The following PKM variants were observed in gnomAD, a reference collection of about 807,000 sequenced individuals.
The protein encoded by PKM is pyruvate kinase PKM.
In PKM, 18 loss-of-function variants were observed where a neutral mutation model predicts 49.8. That is an observed-to-expected ratio of 0.36 (90% CI 0.25 to 0.54). The LOEUF (loss-of-function observed/expected upper bound fraction) is 0.54, where lower values mean the gene tolerates loss of function less well. Ranked by LOEUF, PKM falls within the 20% of genes least tolerant of loss-of-function variation. The probability of loss-of-function intolerance (pLI) is 0.89; values close to 1 mark genes in which losing one functional copy is unlikely to be tolerated. For missense variants in PKM, 508 were observed against 713.8 expected (o/e 0.71, Z 3.28); for synonymous variants, 239 against 261.8 (o/e 0.91, Z 0.84).
In PKM at chr15:72,207,212, A is replaced by G; in HGVS notation, c.902T>C (p.Ile301Thr). 1 of 1,614,072 alleles carries G rather than the reference A, an allele frequency of 6.2e-7. No individual in the cohort carries two copies. Among genetic ancestry groups the G allele is most frequent in the South Asian group, 1.1e-5 (1 of 91,078 alleles). ...MVARGDLGIE[I>T]PAEKVFLAQK... The stretch of plus-strand genomic sequence containing the variant: ...AGCAAGGAAGACCTTCTCTGCAGGA[A>G]TCTCAATGCCTAGATCACCACGAGC... The change falls in exon 7 of 11, where the codon ATT (isoleucine) becomes ACT (threonine). Residue 301 changes from isoleucine to threonine, a missense_variant. Transcript: ENST00000335181.
At chr15:72,229,449 G>A (rs970369982) in intron 1 of PKM, 3 of 640,630 alleles carry the variant, frequency 4.7e-6, no homozygotes, top group East Asian at 6.9e-5. Context: ...CTCTCTCCAC[G>A]TGGACCTTCA....
rs748578042 is a variant in PKM at position 72,207,143 on chromosome 15, A to G, written c.971T>C (p.Val324Ala). 5.0e-6 allele frequency: 8 copies of G among 1,613,752 alleles called. No individual in the cohort carries two copies. The highest frequency in any genetic ancestry group is 2.7e-5 in the African/African-American group (2 of 74,928). Residue 324 changes from valine (V) to alanine (A), a missense_variant, in exon 7 of 11, where the codon GTC becomes GCC. Physicochemically the swap from Val to Ala is moderately conservative, Grantham distance 64. Transcript: ENST00000335181. ...IGRCNRAGKP[V>A]ICATQMLESM... is the part of the protein sequence containing the mutation. ...GGCACATGCCTGAGTAGCACAGATG[A>G]CAGGCTTCCCAGCTCGGTTGCACCG...
chr15:72,209,620 G>C (rs1171591670), intron 5 of PKM, 53 bp downstream of exon 5: 2 of 1,520,638 alleles, frequency 1.3e-6, no homozygotes, highest in East Asian at 2.2e-5. Context: ...TGTCAAGGAA[G>C]TTTAGAGACA....
chr15:72,217,437 C>T lies in PKM; in HGVS notation c.218G>A (p.Arg73His). The change falls in exon 3 of 11, where the codon CGT becomes CAT. Residue 73 changes from arginine to histidine, a missense_variant. Arg to His is a conservative substitution (Grantham distance 29). Transcript: ENST00000335181. ...ATGAGTTCCATGAGAGAAGTTCAGA[C>T]GAGCCACATTCATTCCAGACTTAAT... ...EMIKSGMNVA[R>H]LNFSHGTHEY... 2 of 1,611,860 alleles carry T rather than the reference C, an allele frequency of 1.2e-6. No individual in the cohort carries two copies. Among genetic ancestry groups the T allele is most frequent in the Non-Finnish European group, 1.7e-6 (2 of 1,178,064 alleles).
rs992450330 is a variant in PKM at position 72,209,856 on chromosome 15, C to T, written c.382G>A (p.Gly128Ser). The T allele has an allele frequency of 4.3e-6, 7 of 1,613,762 alleles. No individual in the cohort carries two copies. Among genetic ancestry groups the T allele is most frequent in the African/African-American group, 2.7e-5 (2 of 74,882 alleles). The change falls in exon 5 of 11, where the codon GGC (glycine) becomes AGC (serine). Residue 128 changes from glycine (G) to serine (S), a missense_variant. By Grantham distance (56) the Gly-to-Ser change is moderately conservative (BLOSUM62 0). Coordinates refer to ENST00000335181, the MANE Select transcript of PKM (RefSeq NM_002654.6). ...EIRTGLIKGS[G>S]TAEVELKKGA... is the part of the protein sequence containing the mutation. ...TTCTTCAGCTCCACCTCTGCAGTGC[C>T]GCTCTAGGGACAAGAGAGTAAGCAA...
At chr15:72,213,344 A>G (rs928951008) in intron 3 of PKM, among the ~76,000 whole-genome samples, 23 of 152,168 alleles carry the variant, frequency 1.5e-4, no homozygotes, top group African/African-American at 4.6e-4. Flanking sequence ...GAAGATTTCT[A>G]TATTTCTCTA....
At chr15:72,217,580 A>AT (rs1009479751) in intron 2 of PKM, 80 bp from the exon 3 acceptor site, 14 of 994,966 alleles carry the variant, frequency 1.4e-5, no homozygotes, top group East Asian at 2.4e-5. Context: ...AGTTTAAAGA[A>AT]TTTTTTTCCC....
chr15:72,209,528 G>T, intron 5 of PKM, 145 bp downstream of exon 5: 1 of 728,778 alleles, frequency 1.4e-6, no homozygotes. Flanking sequence ...TATCTTTGAG[G>T]ATAAATGAGT....
chr15:72,228,761 AG>A (rs1221955121), intron 1 of PKM: 1 of 480,432 alleles, frequency 2.1e-6, no homozygotes, highest in African/African-American at 2.0e-5. Flanking sequence ...ACGCTGCAGC[AG>A]GGGAGTCCTG....
chr15:72,229,726 G>A (rs2082791447), intron 1 of PKM: 1 of 1,189,476 alleles, frequency 8.4e-7, no homozygotes, highest in Non-Finnish European at 1.1e-6. Context: ...TGAGCTCGGT[G>A]GGCTATGACT....
At position 72,210,914 on chromosome 15, in the gene PKM, A is replaced by G. The variant is rs980720602; in HGVS notation, c.247-436T>C. On this transcript the variant is annotated intron_variant, in intron 3 of 10. Coordinates refer to ENST00000335181, the MANE Select transcript of PKM (RefSeq NM_002654.6). ...TTGGATAAGGCTGGTCTGGCAATCA[A>G]TGTCACATTCTGATATATGTGGTAA... Among the ~76,000 whole-genome samples the G allele has an allele frequency of 4.6e-5, 7 of 152,322 alleles. No individual in the cohort carries two copies. In the South Asian group the frequency reaches 1.2e-3, roughly 27 times the overall value.
At position 72,208,278 on chromosome 15, in the gene PKM, C is replaced by G. The variant is rs548653808; in HGVS notation, c.836+343G>C. 1.4e-4 allele frequency among the ~76,000 whole-genome samples: 21 copies of G among 152,180 alleles called. 1 individual carries two copies. The highest frequency in any genetic ancestry group is 5.1e-4 in the African/African-American group (21 of 41,530). ...TTTCCCCCTGGTCCCCCCATTCCAG[C>G]AAACACTGGTAGTGTTTCTGATCAG... On this transcript the variant is annotated intron_variant, in intron 6 of 10. Transcript: ENST00000335181.
intron 4 of PKM, chr15:72,210,076 A>G: frequency 1.6e-6 from 1 of 618,582 alleles, no homozygotes. Flanking sequence ...ATGGGGAAAA[A>G]GATACAAAGA....
At chr15:72,227,744 CAAAAA>C (rs34876633) in intron 1 of PKM, among the ~76,000 whole-genome samples, 179 of 10,774 alleles carry the variant, frequency 0.017, no homozygotes, top group Non-Finnish European at 0.024. Context: ...AAAACTATCT[CAAAAA>C]AAAAAAAAAA....
Position 72,229,500 on chromosome 15 carries a change from C to G in PKM, c.-14+1616G>C, listed in dbSNP as rs1041867194. On this transcript the variant is annotated intron_variant, in intron 1 of 10. Transcript: ENST00000335181. ...TAACCCGTACCAGCAAAGGTCCAAG[C>G]CCTGGGTCTGGAGTACGTAGATTAA... 36 of 1,171,894 alleles carry G rather than the reference C, an allele frequency of 3.1e-5. No homozygotes were observed. In the Admixed American group the frequency reaches 8.3e-4, roughly 27 times the overall value. 72.6% of individuals were successfully genotyped at this position (1,171,894 alleles called of 1,614,324 possible).
At chr15:72,219,976 A>C (rs1428708707) in intron 1 of PKM, among the ~76,000 whole-genome samples, 1 of 152,246 alleles carries the variant, frequency 6.6e-6, no homozygotes, top group Non-Finnish European at 1.5e-5. Context: ...CAACCCTGAC[A>C]ATGGCCCCAA....
chr15:72,216,964 T>G (rs1267445260), intron 3 of PKM, among the ~76,000 whole-genome samples: 1 of 152,170 alleles, frequency 6.6e-6, no homozygotes, highest in Non-Finnish European at 1.5e-5. Flanking sequence ...CTTAGAATAG[T>G]GGAAACCGTT....
chr15:72,212,465 T>C (rs1234676678), intron 3 of PKM, among the ~76,000 whole-genome samples: 1 of 147,208 alleles, frequency 6.8e-6, no homozygotes, highest in Non-Finnish European at 1.5e-5. Flanking sequence ...ACAGACAGAG[T>C]GAGATTCCGT....
At chr15:72,230,935 G>A in intron 1 of PKM, 181 bp downstream of exon 1, 1 of 1,287,488 alleles carries the variant, frequency 7.8e-7, no homozygotes, top group Non-Finnish European at 1.0e-6. Flanking sequence ...GACTTCTGAA[G>A]AGCAGGCCCC....
Sources: allele counts gnomAD v4.1 joint callset (sites outside exome capture counted in the v4.1 genomes callset), GRCh38; gene constraint gnomAD v4.1.1; transcripts MANE v1.5; gene names NCBI Gene and HGNC (gene_info 2026-07-23, HGNC 2026-07-21).